Variants in STK31 observed in about 807,000 individuals in gnomAD.
STK31 encodes the protein serine/threonine-protein kinase 31.
STK31 carries 89 observed loss-of-function variants against 129.7 expected under a neutral mutation model. That is an observed-to-expected ratio of 0.69 (90% confidence interval 0.58 to 0.82). The LOEUF (loss-of-function observed/expected upper bound fraction) is 0.82, where lower values mean the gene tolerates loss of function less well. Among genes scored for constraint, STK31 ranks in the 40% least tolerant of loss-of-function variants. The pLI is 0.00. For missense variants in STK31, 1,187 were observed against 1,176.4 expected, an observed-to-expected ratio of 1.01 and a Z score of -0.13; for synonymous variants, 448 against 395.3, an observed-to-expected ratio of 1.13 and a Z score of -1.58.
intron 15 of STK31, among the ~76,000 whole-genome samples, chr7:23,779,055 T>C (rs1177407167): frequency 6.6e-6 from 1 of 152,248 alleles, no homozygotes; most frequent in African/African-American, 2.4e-5. Context: ...GCTGATGCTA[T>C]TCCTTTCTGT....
chr7:23,762,847 A>G lies in STK31; in HGVS notation c.1340A>G (p.Lys447Arg), dbSNP rs375682430. The G allele has an allele frequency of 1.2e-6, 2 of 1,609,036 alleles. No individual in the cohort carries two copies. The highest frequency in any genetic ancestry group is 1.3e-5 in the African/African-American group (1 of 74,764). The change falls in exon 11 of 24, where the codon AAG becomes AGG. Residue 447 changes from lysine (K) to arginine (R), a missense_variant. Physicochemically the swap from Lys to Arg is conservative, Grantham distance 26. This residue lies in a region of STK31 where 975 missense variants were observed against 934.9 expected (regional missense o/e 1.04). Transcript: ENST00000355870. ...LIAQRNEMQQ[K>R]LYMSVEDFIL... ...GCCCAAAGAAATGAAATGCAGCAGA[A>G]GCTGTACATGTCAGTAGAAGATTTT...
At chr7:23,798,767 A>G (rs1194352987) in intron 22 of STK31, among the ~76,000 whole-genome samples, 1 of 152,166 alleles carries the variant, frequency 6.6e-6, no homozygotes, top group African/African-American at 2.4e-5. Context: ...AGGCAAGAGA[A>G]AGAAAGGGTA....
intron 4 of STK31, among the ~76,000 whole-genome samples, chr7:23,720,370 A>G (rs1013954283): frequency 2.6e-5 from 4 of 152,178 alleles, no homozygotes; most frequent in African/African-American, 9.6e-5. Flanking sequence ...CCGTTTGCTA[A>G]AGTGCATCTG....
chr7:23,743,945 G>A (rs779931667), intron 8 of STK31, among the ~76,000 whole-genome samples: 8 of 151,066 alleles, frequency 5.3e-5, no homozygotes, highest in Non-Finnish European at 8.8e-5. Flanking sequence ...TTTGAGGCAG[G>A]GTTTTGTTTT....
chr7:23,816,899 A>C (rs987740444), intron 23 of STK31, among the ~76,000 whole-genome samples: 2 of 152,156 alleles, frequency 1.3e-5, no homozygotes, highest in African/African-American at 4.8e-5. Flanking sequence ...TCTAAAATGT[A>C]ATCTGGCCAG....
intron 8 of STK31, among the ~76,000 whole-genome samples, chr7:23,752,010 GTT>G (rs1788743234): frequency 6.6e-6 from 1 of 152,066 alleles, no homozygotes; most frequent in African/African-American, 2.4e-5. Context: ...GAGAGATAGA[GTT>G]TTAATTAGGA....
chr7:23,743,209 C>T (rs893477708), intron 8 of STK31, among the ~76,000 whole-genome samples: 3 of 152,136 alleles, frequency 2.0e-5, no homozygotes, highest in Non-Finnish European at 2.9e-5. Flanking sequence ...CCACTTCGGC[C>T]TCCCAAAGTG....
intron 21 of STK31, among the ~76,000 whole-genome samples, chr7:23,788,581 A>G (rs1791436406): frequency 6.6e-6 from 1 of 152,148 alleles, no homozygotes; most frequent in South Asian, 2.1e-4. Flanking sequence ...ATTCACCTCT[A>G]ATGGCTGTTA....
At chr7:23,739,872 T>C (rs529869991) in intron 8 of STK31, among the ~76,000 whole-genome samples, 1 of 152,358 alleles carries the variant, frequency 6.6e-6, no homozygotes, top group East Asian at 1.9e-4. Flanking sequence ...TTTTGGTTAC[T>C]GTAGCCTTGT....
At chr7:23,785,257 A>G (rs1282153543) in intron 17 of STK31, among the ~76,000 whole-genome samples, 2 of 152,122 alleles carry the variant, frequency 1.3e-5, no homozygotes, top group Non-Finnish European at 2.9e-5. Context: ...TTCTAAAATT[A>G]TAGCAGTAAT....
At chr7:23,780,109 C>T (rs1562595767) in intron 15 of STK31, among the ~76,000 whole-genome samples, 1 of 152,150 alleles carries the variant, frequency 6.6e-6, no homozygotes, top group African/African-American at 2.4e-5. Context: ...CAGCCCCTTG[C>T]ACTTCCTGGG....
intron 22 of STK31, among the ~76,000 whole-genome samples, chr7:23,813,214 C>T (rs6949764): frequency 0.16 from 24,651 of 150,274 alleles, 3,597 homozygotes; most frequent in African/African-American, 0.4. Flanking sequence ...TTTAAGATTT[C>T]GGTTATTGTA....
chr7:23,710,185 A>T (rs1785835268), upstream of STK31: 3 of 1,589,362 alleles, frequency 1.9e-6, no homozygotes, highest in Non-Finnish European at 2.6e-6. Flanking sequence ...ATGATGGCGC[A>T]GCGCTGTGCA....
rs565850936 is a variant in STK31 at position 23,717,719 on chromosome 7, A to G, written c.249+140A>G. On this transcript the variant is annotated intron_variant, in intron 4 of 23. Transcript: ENST00000355870. ...AATTTGTATAAACTACTGTTATGGT[A>G]TATTTATTAATTCAAAAATACTTAT... is the stretch of plus-strand genomic sequence containing the variant. The G allele has an allele frequency of 1.6e-4, 100 of 628,964 alleles. 2 individuals carry two copies. In the South Asian group the frequency reaches 2.0e-3, roughly 13 times the overall value. The allele number at this position is 628,964 out of a possible 1,614,324, so 39.0% of individuals were successfully genotyped here. A position where few individuals can be genotyped will look rare whatever the true frequency, so the allele number is the denominator to read the frequency against.
intron 15 of STK31, among the ~76,000 whole-genome samples, chr7:23,772,928 G>A (rs1371886383): frequency 2.6e-5 from 4 of 152,184 alleles, no homozygotes; most frequent in African/African-American, 9.6e-5. Context: ...ACTGAATTGG[G>A]GGTGGAGCGG....
In STK31 at chr7:23,769,684, A is replaced by G. The variant is rs55860134; in HGVS notation, c.1641A>G (p.Ala547=). The G allele has an allele frequency of 0.015, 23,431 of 1,611,868 alleles. 197 individuals carry two copies. The highest frequency in any genetic ancestry group is 0.017 in the Non-Finnish European group (20,443 of 1,178,638). Residue 547 remains alanine (A), a synonymous_variant, in exon 13 of 24, where the codon GCA becomes GCG. Transcript: ENST00000355870. ...AAGGATCACTGATTTCAGAAGACGC[A>G]ATGGATAATATTGATGAAATCCTAG... is the stretch of plus-strand genomic sequence containing the variant. ...SVEGSLISED[A]MDNIDEILEK...
chr7:23,790,980 T>G, intron 22 of STK31, 34 bp downstream of exon 22: 1 of 1,421,374 alleles, frequency 7.0e-7, no homozygotes, highest in Non-Finnish European at 9.3e-7. Flanking sequence ...AGATCATATA[T>G]ATATATATTT....
chr7:23,814,589 C>T (rs140101934), intron 22 of STK31, among the ~76,000 whole-genome samples: 86 of 151,976 alleles, frequency 5.7e-4, no homozygotes, highest in African/African-American at 2.0e-3. Flanking sequence ...AATATATATG[C>T]GTTTGTTCAT....
Position 23,728,948 on chromosome 7 carries a change from CTG to C in STK31, c.325-141_325-140del, listed in dbSNP as rs1424416431. ...TTTTTATTTTGAAGATATTAGAAAT[CTG>C]TTTCTGAATGTATTTTGTCATTTTG... On this transcript the variant is annotated intron_variant, in intron 5 of 23. Coordinates refer to ENST00000355870, the MANE Select transcript of STK31 (RefSeq NM_031414.5). 3 of 587,184 alleles carry C rather than the reference CTG, an allele frequency of 5.1e-6. No individual in the cohort carries two copies. The African/African-American group carries it at 5.8e-5, about 11-fold the overall frequency. The allele number at this position is 587,184 out of a possible 1,614,324, so 36.4% of individuals were successfully genotyped here.
Sources: gnomAD v4.1 joint callset for allele counts (sites outside exome capture counted in the v4.1 genomes callset) on GRCh38, gnomAD v4.1.1 for gene constraint, gnomAD v4.1.1 regional missense constraint, MANE v1.5 for transcripts, NCBI Gene and HGNC (gene_info 2026-07-23, HGNC 2026-07-21) for gene names.